Variants in PCSK4 observed in about 807,000 individuals in gnomAD.
PCSK4 encodes proprotein convertase subtilisin/kexin type 4.
Under a neutral mutation model 80.3 loss-of-function variants are expected in PCSK4, and 64 were observed. The ratio of observed to expected loss-of-function variants is 0.80; its 90% CI spans 0.65 to 0.98. PCSK4 has a LOEUF of 0.98. Among genes scored for constraint, PCSK4 ranks in the 50% least tolerant of loss-of-function variants. The pLI is 0.00. For missense variants in PCSK4, 1,213 were observed against 1,093.6 expected (o/e 1.11, Z -1.54); for synonymous variants, 561 against 487.6 (o/e 1.15, Z -1.98).
intron 8 of PCSK4, among the ~76,000 whole-genome samples, chr19:1,484,938 A>G (rs1174414456): frequency 1.3e-5 from 2 of 152,182 alleles, no homozygotes; most frequent in Admixed American, 1.3e-4. Flanking sequence ...TGAGCTCAGG[A>G]GTTTGAGACC....
At chr19:1,487,047 T>C (rs1217369772) in exon 8 of PCSK4, 9 of 1,606,514 alleles carry the variant, frequency 5.6e-6, no homozygotes, top group Non-Finnish European at 7.6e-6. Flanking sequence ...ATGAAGAGCG[T>C]GCCCAGCCCG....
At chr19:1,482,661 A>G (rs2145321693) in intron 13 of PCSK4, 186 bp from the exon 14 acceptor site, 2 of 814,162 alleles carry the variant, frequency 2.5e-6, no homozygotes, top group East Asian at 2.7e-5. Flanking sequence ...GTGACTGCAC[A>G]CCTACTGTGC....
At chr19:1,489,665 C>A in intron 2 of PCSK4, 128 bp downstream of exon 2, 1 of 1,453,584 alleles carries the variant, frequency 6.9e-7, no homozygotes, top group South Asian at 1.4e-5. Context: ...ACTTGGGGCC[C>A]GGGCGGGTCT....
intron 8 of PCSK4, among the ~76,000 whole-genome samples, chr19:1,485,839 C>A (rs1024299692): frequency 6.6e-6 from 1 of 152,108 alleles, no homozygotes; most frequent in African/African-American, 2.4e-5. Flanking sequence ...CCACTGCACT[C>A]CAGCCTGGAC....
Position 1,487,132 on chromosome 19 carries a change from G to A in PCSK4, c.855+9C>T. 2 of 1,603,462 alleles carry A rather than the reference G, an allele frequency of 1.2e-6. No homozygotes were observed. The highest frequency in any genetic ancestry group is 1.1e-5 in the South Asian group (1 of 90,908). On this transcript the variant is annotated intron_variant, in intron 7 of 14. Coordinates refer to ENST00000300954, the Ensembl canonical transcript of PCSK4. ...CTGCCACCCCTGCCCTCCTCGGGCT[G>A]CCACTCACCTTGGTCACACCACGCC...
At chr19:1,484,106 C>A in exon 9 of PCSK4, 1 of 1,564,540 alleles carries the variant, frequency 6.4e-7, no homozygotes, top group Non-Finnish European at 8.6e-7. Context: ...TCTGTGCACC[C>A]GTGATGCAGG....
exon 1 of PCSK4, chr19:1,490,245 A>G (rs2084875454): frequency 6.2e-7 from 1 of 1,612,142 alleles, no homozygotes; most frequent in Admixed American, 1.7e-5. Flanking sequence ...AGCTGCTGAC[A>G]TAGATGGGGG....
chr19:1,481,600 T>TCTCC, exon 15 of PCSK4: 1 of 511,028 alleles, frequency 2.0e-6, no homozygotes. Flanking sequence ...TCTCTCTCTC[T>TCTCC]CTCCCGCCAG....
rs1243675383 is a variant in PCSK4 at position 1,482,216 on chromosome 19, G to A, written c.1820-9C>T. 4 of 1,527,962 alleles carry A rather than the reference G, an allele frequency of 2.6e-6. No homozygotes were observed. In the East Asian group the frequency reaches 7.3e-5, roughly 28 times the overall value. The allele number at this position is 1,527,962 out of a possible 1,614,324, so 94.7% of individuals were successfully genotyped here. On this transcript the variant is annotated splice_polypyrimidine_tract_variant and intron_variant, in intron 14 of 14. Coordinates refer to ENST00000300954, the Ensembl canonical transcript of PCSK4. ...GGCGGGGCCGTCACACGCTGCTCGGGGACACGCACGCAAAGGCCCGTCAGC... is the reference window on the plus strand; with the variant it reads ...GGCGGGGCCGTCACACGCTGCTCGGAGACACGCACGCAAAGGCCCGTCAGC...
exon 1 of PCSK4, chr19:1,490,315 C>A (rs1399786497): frequency 6.8e-7 from 1 of 1,477,564 alleles, no homozygotes; most frequent in Non-Finnish European, 9.2e-7. Flanking sequence ...CAAGACCAGG[C>A]GCAGCCACAG....
rs543853655 is a variant in PCSK4 at position 1,481,690 on chromosome 19, G to A, written c.*69C>T. On this transcript the variant is annotated 3_prime_UTR_variant, in exon 15 of 15. Coordinates refer to ENST00000300954, the Ensembl canonical transcript of PCSK4. ...CTCGCTCCTCTGGGGCCAGCCTGGG[G>A]AGGCAGCATGGCAGCAGTGCCTGTC... is the stretch of plus-strand genomic sequence containing the variant. 1.8e-3 allele frequency: 2,074 copies of A among 1,132,414 alleles called. 3 individuals are homozygous for A. Among genetic ancestry groups the A allele is most frequent in the Admixed American group, 2.4e-3 (83 of 34,674 alleles). The allele number at this position is 1,132,414 out of a possible 1,614,324, so 70.1% of individuals were successfully genotyped here.
Position 1,483,816 on chromosome 19 carries a change from C to CCCCCGCCCGG in PCSK4, c.1273+12_1273+21dup, listed in dbSNP as rs781068890. On this transcript the variant is annotated intron_variant, in intron 10 of 14. Coordinates refer to ENST00000300954, the Ensembl canonical transcript of PCSK4. ...TCGCCCCGTGGGCCCCGGGTCCCCG[C>CCCCCGCCCGG]CCCCGCCCGGCCCCGCCGCACCTTG... 52 of 1,490,650 alleles carry CCCCCGCCCGG rather than the reference C, an allele frequency of 3.5e-5. No individual in the cohort carries two copies. In the Middle Eastern group the frequency reaches 9.0e-4, roughly 26 times the overall value. The allele number at this position is 1,490,650 out of a possible 1,614,324, so 92.3% of individuals were successfully genotyped here.
intron 11 of PCSK4, 75 bp downstream of exon 11, chr19:1,483,575 A>G: frequency 7.0e-7 from 1 of 1,426,802 alleles, no homozygotes; most frequent in Non-Finnish European, 9.5e-7. Flanking sequence ...CGTTTTACAG[A>G]TGGGTAAACT....
intron 2 of PCSK4, 106 bp from the exon 3 acceptor site, chr19:1,488,386 G>A: frequency 1.2e-6 from 1 of 828,538 alleles, no homozygotes; most frequent in East Asian, 2.7e-5. Context: ...TGTTTGTGGG[G>A]GTTGCTCTCC....
chr19:1,483,645 C>G lies in PCSK4; in HGVS notation c.1391+5G>C. 6.3e-7 allele frequency: 1 copy of G among 1,579,958 alleles called. No individual in the cohort carries two copies. The highest frequency in any genetic ancestry group is 1.1e-5 in the South Asian group (1 of 88,722). ...GGATAGCGGAGGGGCGCGCAGGGGT[C>G]TCACGTGGGGCGGCTCTGGACCCGG... is the stretch of plus-strand genomic sequence containing the variant. On this transcript the variant is annotated splice_donor_5th_base_variant and intron_variant, in intron 11 of 14. Transcript: ENST00000300954.
intron 8 of PCSK4, 110 bp downstream of exon 8, chr19:1,486,743 T>C: frequency 1.0e-6 from 1 of 975,740 alleles, no homozygotes; most frequent in Non-Finnish European, 1.5e-6. Flanking sequence ...GGATTTGCAT[T>C]TTCAAAGCAG....
exon 8 of PCSK4, chr19:1,487,060 G>C: frequency 6.2e-7 from 1 of 1,604,886 alleles, no homozygotes; most frequent in Non-Finnish European, 8.5e-7. Context: ...CCAGCCCGCC[G>C]CGGCCCTGGG....
chr19:1,490,227 G>A lies in PCSK4; in HGVS notation c.120C>T (p.Val40=), dbSNP rs754419234. The change falls in exon 1 of 15, where the codon GTC becomes GTT. Residue 40 remains valine (V), a synonymous_variant. Transcript: ENST00000300954. The stretch of plus-strand genomic sequence containing the variant: ...CCTCCCGGTTACCCTGGGACACCTG[G>A]ACGGCCCAGCTGCTGACATAGATGG... 5 of 1,613,122 alleles carry A rather than the reference G, an allele frequency of 3.1e-6. No homozygotes were observed. The South Asian group carries it at 5.5e-5, about 18-fold the overall frequency.
exon 9 of PCSK4, chr19:1,484,052 T>A (rs987888049): frequency 9.0e-6 from 14 of 1,556,924 alleles, no homozygotes; most frequent in African/African-American, 1.4e-5. Flanking sequence ...AGGGCGATCA[T>A]GCCGGCCGCC....
Sources: allele counts gnomAD v4.1 joint callset (sites outside exome capture counted in the v4.1 genomes callset), GRCh38; gene constraint gnomAD v4.1.1; transcripts MANE v1.5; gene names NCBI Gene and HGNC (gene_info 2026-07-23, HGNC 2026-07-21).